PDP1: variants seen among roughly 807,000 people sequenced by gnomAD.
The protein encoded by PDP1 is pyruvate dehydrogenase phosphatase catalytic subunit 1.
In PDP1, 14 loss-of-function variants were observed where a neutral mutation model predicts 37.1. The observed-to-expected ratio is 0.38, with a 90% confidence interval of 0.25 to 0.59. PDP1 has a LOEUF of 0.59. Among genes scored for constraint, PDP1 ranks in the 20% least tolerant of loss-of-function variants. The pLI is 0.67. For missense variants in PDP1, 544 were observed against 655.3 expected (o/e 0.83, Z 1.85); for synonymous variants, 251 against 243.3 (o/e 1.03, Z -0.29).
At chr8:93,921,952 C>G (rs551308677) in intron 1 of PDP1, 64 bp from the exon 2 acceptor site, 136 of 1,175,378 alleles carry the variant, frequency 1.2e-4, no homozygotes, top group Non-Finnish European at 1.6e-4. Context: ...AAAGGCAAAG[C>G]TAGATTAAGT....
chr8:93,919,148 G>C lies in PDP1; in HGVS notation c.-45+2069G>C, dbSNP rs916235731. The C allele has an allele frequency of 4.1e-6, 4 of 980,268 alleles. No individual in the cohort carries two copies. In the African/African-American group the frequency reaches 7.0e-5, roughly 17 times the overall value. 60.7% of individuals were successfully genotyped at this position (980,268 alleles called of 1,614,324 possible). On this transcript the variant is annotated intron_variant, in intron 1 of 1. Coordinates refer to ENST00000297598, the MANE Select transcript of PDP1 (RefSeq NM_018444.4). ...TGGAGAATTTGATGTTTGAACGTAAGTATTGTTAAAAGCACCTGCTGTGTC... is the reference window on the plus strand; with the variant it reads ...TGGAGAATTTGATGTTTGAACGTAACTATTGTTAAAAGCACCTGCTGTGTC...
chr8:93,921,195 A>G (rs1299947229), intron 1 of PDP1: 1 of 975,900 alleles, frequency 1.0e-6, no homozygotes, highest in Non-Finnish European at 1.2e-6. Context: ...AGAGCCTTAG[A>G]TAGCATCTGC....
chr8:93,922,977 A>C lies in PDP1; in HGVS notation c.918A>C (p.Ser306=). Residue 306 remains serine (S), a synonymous_variant, in exon 2 of 2, where the codon TCA becomes TCC. Coordinates refer to ENST00000297598, the MANE Select transcript of PDP1 (RefSeq NM_018444.4). This position sits in a 1 kb window ranked among gnomAD's most constrained non-coding sequence, Gnocchi z 4.0. ...LGVQEEDGSW[S]AVTLSNDHNA... ...TGCAGGAAGAGGACGGCTCATGGTC[A>C]GCAGTCACGCTGTCTAATGACCACA... 1 of 1,614,218 alleles carries C rather than the reference A, an allele frequency of 6.2e-7. No individual in the cohort carries two copies.
Position 93,924,131 on chromosome 8 carries a change from T to A in PDP1, c.*458T>A, listed in dbSNP as rs535475031. 5.6e-6 allele frequency: 1 copy of A among 179,776 alleles called. No homozygotes were observed. The highest frequency in any genetic ancestry group is 5.8e-5 in the Admixed American group (1 of 17,216). 11.1% of individuals were successfully genotyped at this position (179,776 alleles called of 1,614,324 possible). A position where few individuals can be genotyped will look rare whatever the true frequency, so the allele number is the denominator to read the frequency against. ...ATTTTCTAGATACACAGTCTATGCA[T>A]TATTCATATACATTTATTTTAGCCT... On this transcript the variant is annotated 3_prime_UTR_variant, in exon 2 of 2. Coordinates refer to ENST00000297598, the MANE Select transcript of PDP1 (RefSeq NM_018444.4).
chr8:93,923,594 G>A lies in PDP1; in HGVS notation c.1535G>A (p.Arg512Gln). 3 of 1,614,024 alleles carry A rather than the reference G, an allele frequency of 1.9e-6. No individual in the cohort carries two copies. Among genetic ancestry groups the A allele is most frequent in the Non-Finnish European group, 2.5e-6 (3 of 1,179,910 alleles). Residue 512 changes from arginine to glutamine, a missense_variant, in exon 2 of 2, where the codon CGA becomes CAA. By Grantham distance (43) the Arg-to-Gln change is conservative (BLOSUM62 1). Transcript: ENST00000297598. The surrounding 1 kb of genome is among the most constrained non-coding windows in gnomAD (Gnocchi z 4.3). ...CTTAGTCTTCCTGAAGAGCTTGCTCGAATGTACAGAGATGACATTACAATC... is the reference window on the plus strand; with the variant it reads ...CTTAGTCTTCCTGAAGAGCTTGCTCAAATGTACAGAGATGACATTACAATC... ...KMLSLPEELA[R>Q]MYRDDITIIV...
chr8:93,921,092 T>C, intron 1 of PDP1: 1 of 961,802 alleles, frequency 1.0e-6, no homozygotes, highest in African/African-American at 1.9e-5. Context: ...TTTTTAATCA[T>C]GAAGGGCACG....
At chr8:93,921,853 C>T in intron 1 of PDP1, 163 bp from the exon 2 acceptor site, 1 of 565,916 alleles carries the variant, frequency 1.8e-6, no homozygotes, top group Non-Finnish European at 3.1e-6. Context: ...AGAATATACC[C>T]TGTAGAAATA....
At chr8:93,918,389 TTAA>T (rs1377312530) in intron 1 of PDP1, among the ~76,000 whole-genome samples, 1 of 152,246 alleles carries the variant, frequency 6.6e-6, no homozygotes, top group Non-Finnish European at 1.5e-5. Context: ...AGTCGGTGCC[TTAA>T]TAGCATTTGC....
chr8:93,922,749 T>G lies in PDP1; in HGVS notation c.690T>G (p.Ile230Met). 1 of 1,614,138 alleles carries G rather than the reference T, an allele frequency of 6.2e-7. No homozygotes were observed. Among genetic ancestry groups the G allele is most frequent in the East Asian group, 2.2e-5 (1 of 44,884 alleles). ...IDLNTGESTD[I>M]DVKEALINAF... ...TCAACACTGGTGAGTCGACTGATAT[T>G]GATGTTAAGGAGGCTCTAATTAATG... The change falls in exon 2 of 2, where the codon ATT becomes ATG. Residue 230 changes from isoleucine to methionine, a missense_variant. By Grantham distance (10) the Ile-to-Met change is conservative. This residue lies in a region of PDP1 where 342 missense variants were observed against 414.0 expected (regional missense o/e 0.83). Coordinates refer to ENST00000297598, the MANE Select transcript of PDP1 (RefSeq NM_018444.4). The surrounding 1 kb of genome is among the most constrained non-coding windows in gnomAD (Gnocchi z 4.0).
intron 1 of PDP1, among the ~76,000 whole-genome samples, chr8:93,918,717 T>C (rs1461991020): frequency 1.3e-5 from 2 of 152,224 alleles, no homozygotes; most frequent in Non-Finnish European, 2.9e-5. Context: ...ATCAAGAGCC[T>C]TCTACACTAA....
Position 93,922,443 on chromosome 8 carries a change from T to C in PDP1, c.384T>C (p.Ser128=), listed in dbSNP as rs1810309294. Residue 128 remains serine, a synonymous_variant, in exon 2 of 2, where the codon AGT becomes AGC. Transcript: ENST00000297598. This position sits in a 1 kb window ranked among gnomAD's most constrained non-coding sequence, Gnocchi z 4.0. The part of the protein sequence containing the change: ...PANAPIEDRR[S]AATCLQTRGM... Reference sequence around the variant, plus strand: ...ATGCACCCATTGAGGACCGGAGAAGTGCAGCAACCTGCTTGCAGACCAGAG... The same window carrying C: ...ATGCACCCATTGAGGACCGGAGAAGCGCAGCAACCTGCTTGCAGACCAGAG... 2 of 1,614,038 alleles carry C rather than the reference T, an allele frequency of 1.2e-6. No individual in the cohort carries two copies. Among genetic ancestry groups the C allele is most frequent in the African/African-American group, 2.7e-5 (2 of 74,938 alleles).
chr8:93,919,354 C>G (rs568419400), intron 1 of PDP1, among the ~76,000 whole-genome samples: 1 of 152,244 alleles, frequency 6.6e-6, no homozygotes, highest in African/African-American at 2.4e-5. Context: ...ATGGTGAAAC[C>G]CCATCTCTAC....
intron 1 of PDP1, chr8:93,917,639 T>C (rs952691496): frequency 5.5e-5 from 33 of 605,148 alleles, no homozygotes; most frequent in African/African-American, 2.0e-4. Flanking sequence ...CCCGCTGCCT[T>C]GGGCTGTGGC....
chr8:93,916,983 G>A lies in PDP1; in HGVS notation c.-141G>A, dbSNP rs1388906916. 2.1e-6 allele frequency: 1 copy of A among 469,396 alleles called. No homozygotes were observed. 29.1% of individuals were successfully genotyped at this position (469,396 alleles called of 1,614,324 possible). On this transcript the variant is annotated 5_prime_UTR_variant, in exon 1 of 2. Transcript: ENST00000297598. ...GCCGGGGGTGAGGGCTCGCGCTCCGGGAGCTGCACGGGGCTGCGTGGAAAG... is the reference window on the plus strand; with the variant it reads ...GCCGGGGGTGAGGGCTCGCGCTCCGAGAGCTGCACGGGGCTGCGTGGAAAG...
Position 93,923,659 on chromosome 8 carries a change from C to G in PDP1, c.1600C>G (p.Gln534Glu). Reference protein sequence around the residue: ...QFNSHVVGAYQNQE With the variant: ...QFNSHVVGAYENQE ...CAATTCTCATGTTGTAGGGGCGTAT[C>G]AAAACCAAGAATAGTGAGTGGCTCT... The change falls in exon 2 of 2, where the codon CAA becomes GAA. Residue 534 changes from glutamine to glutamate, a missense_variant. By Grantham distance (29) the Gln-to-Glu change is conservative (BLOSUM62 2). Transcript: ENST00000297598. The surrounding 1 kb of genome is among the most constrained non-coding windows in gnomAD (Gnocchi z 4.3). 1 of 1,613,166 alleles carries G rather than the reference C, an allele frequency of 6.2e-7. No individual in the cohort carries two copies. The highest frequency in any genetic ancestry group is 8.5e-7 in the Non-Finnish European group (1 of 1,179,258).
intron 1 of PDP1, 165 bp from the exon 2 acceptor site, chr8:93,921,851 C>A: frequency 1.8e-6 from 1 of 559,018 alleles, no homozygotes; most frequent in South Asian, 2.8e-5. Context: ...CCAGAATATA[C>A]CCTGTAGAAA....
Position 93,925,602 on chromosome 8 carries a change from C to T in PDP1, c.*1929C>T, listed in dbSNP as rs1394330050. 1 of 166,916 alleles carries T rather than the reference C, an allele frequency of 6.0e-6. No individual in the cohort carries two copies. Among genetic ancestry groups the T allele is most frequent in the African/African-American group, 2.4e-5 (1 of 41,402 alleles). The allele number at this position is 166,916 out of a possible 1,614,324, so 10.3% of individuals were successfully genotyped here. On this transcript the variant is annotated 3_prime_UTR_variant, in exon 2 of 2. Coordinates refer to ENST00000297598, the MANE Select transcript of PDP1 (RefSeq NM_018444.4). ...CATGATCAAGATAGTAGTATTATTA[C>T]ACAAGAAACTTGGTCTGCAGTCTGG...
intron 1 of PDP1, 50 bp from the exon 2 acceptor site, chr8:93,921,966 C>A: frequency 7.7e-7 from 1 of 1,303,616 alleles, no homozygotes; most frequent in Non-Finnish European, 1.1e-6. Context: ...ATTAAGTATC[C>A]TGAAATGTAA....
At chr8:93,920,631 T>A in intron 1 of PDP1, 1 of 958,414 alleles carries the variant, frequency 1.0e-6, no homozygotes, top group African/African-American at 1.8e-5. Flanking sequence ...TGATAGGATT[T>A]TTTTTAAGTT....
Sources: gnomAD v4.1 joint callset for allele counts (sites outside exome capture counted in the v4.1 genomes callset) on GRCh38, gnomAD v4.1.1 for gene constraint, gnomAD v4.1.1 regional missense constraint, Gnocchi (gnomAD v3.1) non-coding constraint, MANE v1.5 for transcripts, NCBI Gene and HGNC (gene_info 2026-07-23, HGNC 2026-07-21) for gene names.